The following CLIC6 variants were observed in gnomAD, a reference collection of about 807,000 sequenced individuals.
CLIC6 encodes the protein chloride intracellular channel protein 6.
CLIC6 carries 39 observed loss-of-function variants against 49.2 expected under a neutral mutation model. The ratio of observed to expected loss-of-function variants is 0.79; its 90% CI spans 0.61 to 1.04. The LOEUF is 1.04. Among genes scored for constraint, CLIC6 ranks in the 50% least tolerant of loss-of-function variants. The pLI is 0.00. For missense variants in CLIC6, 988 were observed against 993.1 expected, an observed-to-expected ratio of 0.99 and a Z score of 0.07; for synonymous variants, 446 against 433.4, an observed-to-expected ratio of 1.03 and a Z score of -0.36.
intron 1 of CLIC6, among the ~76,000 whole-genome samples, 177 bp downstream of exon 1, chr21:34,670,939 A>C (rs1293727412): frequency 6.6e-6 from 1 of 150,520 alleles, no homozygotes; most frequent in Non-Finnish European, 1.5e-5. Context: ...AAGAGTTTCC[A>C]GGGCATTTGC....
chr21:34,717,941 C>T lies in CLIC6; in HGVS notation c.*1459C>T, dbSNP rs751534766. The T allele has an allele frequency of 5.2e-5, 8 of 152,446 alleles. No homozygotes were observed. Among genetic ancestry groups the T allele is most frequent in the African/African-American group, 9.6e-5 (4 of 41,558 alleles). The allele number at this position is 152,446 out of a possible 1,614,324, so 9.4% of individuals were successfully genotyped here. A position where few individuals can be genotyped will look rare whatever the true frequency, so the allele number is the denominator to read the frequency against. On this transcript the variant is annotated 3_prime_UTR_variant, in exon 6 of 6. Coordinates refer to ENST00000349499, the MANE Select transcript of CLIC6 (RefSeq NM_053277.3). ...TAATAGAGTGGCCTCTTTCGCTCTTCGATTATGACTGCTGCAGTTTTACCC... is the reference window on the plus strand; with the variant it reads ...TAATAGAGTGGCCTCTTTCGCTCTTTGATTATGACTGCTGCAGTTTTACCC...
At position 34,670,263 on chromosome 21, in the gene CLIC6, T is replaced by G; in HGVS notation, c.875T>G (p.Val292Gly). The G allele has an allele frequency of 7.0e-7, 1 of 1,434,606 alleles. No homozygotes were observed. Among genetic ancestry groups the G allele is most frequent in the Non-Finnish European group, 9.1e-7 (1 of 1,101,220 alleles). 88.9% of individuals were successfully genotyped at this position (1,434,606 alleles called of 1,614,324 possible). Residue 292 changes from valine (V) to glycine (G), a missense_variant, in exon 1 of 6, where the codon GTC becomes GGC. Around this residue, in one of 3 missense-constraint regions of CLIC6, gnomAD observed 647 missense variants for 596.9 expected, o/e 1.08. Transcript: ENST00000349499. ...AEGPAGRARRVSGEPQQSGDG... is the reference protein window; with the variant it reads ...AEGPAGRARRGSGEPQQSGDG... Reference sequence around the variant, plus strand: ...GGTCCGGCAGGAAGGGCGCGCCGGGTCTCGGGTGAGCCGCAGCAATCGGGG... The same window carrying G: ...GGTCCGGCAGGAAGGGCGCGCCGGGGCTCGGGTGAGCCGCAGCAATCGGGG...
Position 34,669,598 on chromosome 21 carries a change from G to T in CLIC6, c.210G>T (p.Glu70Asp), listed in dbSNP as rs1346260853. 5.5e-6 allele frequency: 7 copies of T among 1,271,118 alleles called. No individual in the cohort carries two copies. Among genetic ancestry groups the T allele is most frequent in the Non-Finnish European group, 6.9e-6 (7 of 1,012,058 alleles). The allele number at this position is 1,271,118 out of a possible 1,614,324, so 78.7% of individuals were successfully genotyped here. A position where few individuals can be genotyped will look rare whatever the true frequency, so the allele number is the denominator to read the frequency against. ...AGGGGPDRGP[E>D]AEARGTRGAH... ...GCGGCGGGCCAGACAGGGGCCCGGA[G>T]GCCGAGGCGCGGGGCACGAGGGGGG... The change falls in exon 1 of 6, where the codon GAG becomes GAT. Residue 70 changes from glutamate (E) to aspartate (D), a missense_variant. By Grantham distance (45) the Glu-to-Asp change is conservative. This residue lies in a region of CLIC6 where 284 missense variants were observed against 278.6 expected (regional missense o/e 1.02). Transcript: ENST00000349499.
In CLIC6 at chr21:34,717,774, T is replaced by C. The variant is rs1307414331; in HGVS notation, c.*1292T>C. ...AAAACCCTCCTTGTAGAGTTGGTTG[T>C]GGTATGTGTTTGATGCTATAAAGCT... is the stretch of plus-strand genomic sequence containing the variant. On this transcript the variant is annotated 3_prime_UTR_variant, in exon 6 of 6. Transcript: ENST00000349499. The C allele has an allele frequency of 6.6e-6, 1 of 152,228 alleles. No homozygotes were observed. The highest frequency in any genetic ancestry group is 1.5e-5 in the Non-Finnish European group (1 of 68,042). 9.4% of individuals were successfully genotyped at this position (152,228 alleles called of 1,614,324 possible). A position where few individuals can be genotyped will look rare whatever the true frequency, so the allele number is the denominator to read the frequency against.
rs1029421395 is a variant in CLIC6 at position 34,694,354 on chromosome 21, G to A, written c.1375-12926G>A. On this transcript the variant is annotated intron_variant, in intron 1 of 5. Transcript: ENST00000349499. ...CGCTCTGTTGCCCAGGCTGAAGTGC[G>A]GTAGTAGAGCAGTGTGATCTCAGCT... Among the ~76,000 whole-genome samples, 51 of 151,926 alleles carry A rather than the reference G, an allele frequency of 3.4e-4. 1 individual carries two copies. The highest frequency in any genetic ancestry group is 1.1e-3 in the African/African-American group (47 of 41,430).
chr21:34,675,678 TG>T (rs1601259237), intron 1 of CLIC6, among the ~76,000 whole-genome samples: 1 of 152,106 alleles, frequency 6.6e-6, no homozygotes, highest in African/African-American at 2.4e-5. Flanking sequence ...ACATGCATGC[TG>T]GGGGTGGGGA....
In CLIC6 at chr21:34,670,670, G is replaced by C. The variant is rs769335366; in HGVS notation, c.1282G>C (p.Glu428Gln). ...AEEGPAEGSG[E>Q]AARVNGRRED... is the part of the protein sequence containing the mutation. ...GGAGGGCCCCGCCGAGGGTAGCGGCGAGGCCGCGCGCGTGAACGGCCGCCG... is the reference window on the plus strand; with the variant it reads ...GGAGGGCCCCGCCGAGGGTAGCGGCCAGGCCGCGCGCGTGAACGGCCGCCG... The change falls in exon 1 of 6, where the codon GAG becomes CAG. Residue 428 changes from glutamate (E) to glutamine (Q), a missense_variant. Glu to Gln is a conservative substitution (Grantham distance 29). Around this residue, in one of 3 missense-constraint regions of CLIC6, gnomAD observed 647 missense variants for 596.9 expected, o/e 1.08. Coordinates refer to ENST00000349499, the MANE Select transcript of CLIC6 (RefSeq NM_053277.3). 1 of 1,572,828 alleles carries C rather than the reference G, an allele frequency of 6.4e-7. No homozygotes were observed.
chr21:34,674,259 CA>C (rs1170817528), intron 1 of CLIC6, among the ~76,000 whole-genome samples: 1 of 151,928 alleles, frequency 6.6e-6, no homozygotes, highest in Non-Finnish European at 1.5e-5. Context: ...CTAGTTTTTT[CA>C]AAAAAATTTT....
At chr21:34,675,797 G>A (rs1989657947) in intron 1 of CLIC6, among the ~76,000 whole-genome samples, 1 of 152,202 alleles carries the variant, frequency 6.6e-6, no homozygotes. Flanking sequence ...TTTTGGTGCA[G>A]ATAAATAGTG....
intron 1 of CLIC6, among the ~76,000 whole-genome samples, chr21:34,680,927 T>G (rs1462297849): frequency 1.3e-5 from 2 of 152,236 alleles, no homozygotes; most frequent in Non-Finnish European, 2.9e-5. Context: ...TTTTGCTGTC[T>G]TCTTCTGAGC....
At chr21:34,713,845 C>T (rs1174655993) in intron 5 of CLIC6, among the ~76,000 whole-genome samples, 1 of 151,842 alleles carries the variant, frequency 6.6e-6, no homozygotes, top group Non-Finnish European at 1.5e-5. Flanking sequence ...AAAAAACAAC[C>T]CTTTTTGGCA....
intron 1 of CLIC6, among the ~76,000 whole-genome samples, chr21:34,699,681 C>T (rs1326589176): frequency 6.6e-6 from 1 of 152,152 alleles, no homozygotes; most frequent in Non-Finnish European, 1.5e-5. Flanking sequence ...GTTATTGAAG[C>T]AGCATCGTTC....
intron 1 of CLIC6, among the ~76,000 whole-genome samples, chr21:34,693,908 C>A (rs139268198): frequency 6.6e-6 from 1 of 151,942 alleles, no homozygotes; most frequent in Admixed American, 6.6e-5. Context: ...AGAACTCCCC[C>A]CTTGCTGTTC....
chr21:34,689,566 G>A (rs1055103789), intron 1 of CLIC6, among the ~76,000 whole-genome samples: 1 of 150,800 alleles, frequency 6.6e-6, no homozygotes, highest in Non-Finnish European at 1.5e-5. Flanking sequence ...TCTAACAAGT[G>A]TCTCGTTTGG....
At chr21:34,708,851 G>T (rs1466905560) in intron 4 of CLIC6, 45 bp downstream of exon 4, 1 of 1,386,684 alleles carries the variant, frequency 7.2e-7, no homozygotes, top group Admixed American at 1.7e-5. Flanking sequence ...ACAGACTTGA[G>T]TCTTAGCATG....
chr21:34,698,868 C>G (rs1424413861), intron 1 of CLIC6, among the ~76,000 whole-genome samples: 1 of 152,056 alleles, frequency 6.6e-6, no homozygotes, highest in East Asian at 1.9e-4. Flanking sequence ...GCCAGAGAGA[C>G]CCCCCAGGCC....
intron 1 of CLIC6, among the ~76,000 whole-genome samples, chr21:34,683,843 C>T (rs1989825605): frequency 6.6e-6 from 1 of 152,150 alleles, no homozygotes; most frequent in African/African-American, 2.4e-5. Context: ...TATAAATTAC[C>T]CAGTCTCTGG....
Position 34,669,676 on chromosome 21 carries a change from C to T in CLIC6, c.288C>T (p.Pro96=), listed in dbSNP as rs957378870. 323 of 1,351,298 alleles carry T rather than the reference C, an allele frequency of 2.4e-4. 1 individual carries two copies. Among genetic ancestry groups the T allele is most frequent in the Non-Finnish European group, 2.8e-4 (300 of 1,058,520 alleles). 83.7% of individuals were successfully genotyped at this position (1,351,298 alleles called of 1,614,324 possible). Residue 96 remains proline (P), a synonymous_variant, in exon 1 of 6, where the codon CCC becomes CCT. Coordinates refer to ENST00000349499, the MANE Select transcript of CLIC6 (RefSeq NM_053277.3). ...GAGCCCCGGAGGGTGCCGAGGTGCC[C>T]CAAGGAGGGGAGGAGACAAGCGGCG... ...EEGAPEGAEV[P]QGGEETSGAQ...
chr21:34,707,938 A>T lies in CLIC6; in HGVS notation c.1485-6A>T. On this transcript the variant is annotated splice_polypyrimidine_tract_variant and splice_region_variant and intron_variant, in intron 2 of 5. Coordinates refer to ENST00000349499, the MANE Select transcript of CLIC6 (RefSeq NM_053277.3). ...CCCATAAACACTGCTGTTTCCTCCC[A>T]CCTAGGAAACCCGCAGACCTGCAGA... The T allele has an allele frequency of 6.2e-7, 1 of 1,613,788 alleles. No individual in the cohort carries two copies. The highest frequency in any genetic ancestry group is 8.5e-7 in the Non-Finnish European group (1 of 1,179,868).
Sources: gnomAD v4.1 joint callset for allele counts (sites outside exome capture counted in the v4.1 genomes callset) on GRCh38, gnomAD v4.1.1 for gene constraint, gnomAD v4.1.1 regional missense constraint, MANE v1.5 for transcripts, NCBI Gene and HGNC (gene_info 2026-07-23, HGNC 2026-07-21) for gene names.